The following NUP155 variants were observed in gnomAD, a reference collection of about 807,000 sequenced individuals.
The protein encoded by NUP155 is nucleoporin 155.
NUP155 carries 71 observed loss-of-function variants against 180.4 expected under a neutral mutation model. The observed-to-expected ratio is 0.39, with a 90% CI of 0.33 to 0.48. NUP155 has a LOEUF of 0.48. Among genes scored for constraint, NUP155 ranks in the 20% least tolerant of loss-of-function variants. NUP155 has a pLI of 0.91. For synonymous variants in NUP155, 582 were observed against 559.5 expected (o/e 1.04, Z -0.57); for missense variants, 1,553 against 1,648.9 (o/e 0.94, Z 1.01).
chr5:37,355,017 G>A (rs1055499212), intron 4 of NUP155, among the ~76,000 whole-genome samples: 13 of 150,882 alleles, frequency 8.6e-5, no homozygotes, highest in Non-Finnish European at 1.6e-4. Context: ...GCTTGAACCC[G>A]GGAGGCGGAG....
intron 34 of NUP155, 115 bp downstream of exon 34, chr5:37,292,762 AAT>A (rs1742304154): frequency 1.4e-6 from 1 of 701,770 alleles, no homozygotes; most frequent in African/African-American, 1.8e-5. Flanking sequence ...ATATCATTCA[AAT>A]AGTTATTGCT....
intron 32 of NUP155, among the ~76,000 whole-genome samples, chr5:37,296,453 T>G (rs58981430): frequency 0.016 from 2,396 of 152,072 alleles, 52 homozygotes; most frequent in African/African-American, 0.048. Context: ...CAAGATGTGC[T>G]TTGTTAAACA....
At chr5:37,304,948 T>A in intron 26 of NUP155, 105 bp from the exon 27 acceptor site, 2 of 1,515,414 alleles carry the variant, frequency 1.3e-6, no homozygotes, top group Non-Finnish European at 9.2e-7. Flanking sequence ...AATCCTTACA[T>A]GATAACTTCT....
chr5:37,303,165 A>T, intron 28 of NUP155, 95 bp downstream of exon 28: 1 of 1,442,312 alleles, frequency 6.9e-7, no homozygotes, highest in South Asian at 1.2e-5. Flanking sequence ...TCAGTATATT[A>T]AAACTTAGAT....
intron 19 of NUP155, among the ~76,000 whole-genome samples, chr5:37,324,581 C>T (rs1744461044): frequency 1.3e-5 from 2 of 151,058 alleles, no homozygotes; most frequent in Non-Finnish European, 1.5e-5. Context: ...TTTTGAGAGA[C>T]AGCGTCTTGT....
chr5:37,305,951 G>A, intron 25 of NUP155, among the ~76,000 whole-genome samples: 1 of 151,968 alleles, frequency 6.6e-6, no homozygotes, highest in East Asian at 1.9e-4. Flanking sequence ...CCTTACCTAA[G>A]TATATACAAG....
At chr5:37,315,942 A>G (rs1316636288) in intron 21 of NUP155, among the ~76,000 whole-genome samples, 1 of 152,212 alleles carries the variant, frequency 6.6e-6, no homozygotes, top group Non-Finnish European at 1.5e-5. Flanking sequence ...CTCCGTCTCA[A>G]AAAGAAATAA....
In NUP155 at chr5:37,303,108, A is replaced by C. The variant is rs1021938144; in HGVS notation, c.3317+152T>G. On this transcript the variant is annotated intron_variant, in intron 28 of 34. Transcript: ENST00000231498. ...CCACAATTTTAGACAACACATAAAG[A>C]AATACATTTATGACTAAAAAGTAAC... 1.3e-5 allele frequency: 13 copies of C among 969,194 alleles called. No homozygotes were observed. In the Admixed American group the frequency reaches 1.6e-4, roughly 12 times the overall value. The allele number at this position is 969,194 out of a possible 1,614,324, so 60.0% of individuals were successfully genotyped here.
chr5:37,331,607 A>G, intron 14 of NUP155, 78 bp downstream of exon 14: 1 of 739,376 alleles, frequency 1.4e-6, no homozygotes, highest in Non-Finnish European at 2.3e-6. Flanking sequence ...ACAGTATTCC[A>G]GTCCCAATTT....
chr5:37,344,519 G>C (rs1359416905), intron 9 of NUP155, among the ~76,000 whole-genome samples: 1 of 149,892 alleles, frequency 6.7e-6, no homozygotes, highest in Admixed American at 6.6e-5. Flanking sequence ...AGGTGGCCAG[G>C]GGGCTGTTTT....
chr5:37,311,941 T>G lies in NUP155; in HGVS notation c.2437-1198A>C, dbSNP rs574113665. Among the ~76,000 whole-genome samples the G allele has an allele frequency of 5.3e-5, 8 of 152,186 alleles. No homozygotes were observed. The East Asian group carries it at 9.7e-4, about 18-fold the overall frequency. ...GAAGCTGAGGCAGGAGAACTGCTTG[T>G]ACCCGGGAGGTGGAGGTTACAGTGA... On this transcript the variant is annotated intron_variant, in intron 22 of 34. Transcript: ENST00000231498.
chr5:37,351,943 C>G (rs760954449), intron 5 of NUP155, among the ~76,000 whole-genome samples: 12 of 152,076 alleles, frequency 7.9e-5, no homozygotes, highest in Non-Finnish European at 1.6e-4. Flanking sequence ...ACTAACCCGG[C>G]CGGGTGCCGT....
chr5:37,371,053 CT>C lies in NUP155; in HGVS notation c.-77del. 6.6e-7 allele frequency: 1 copy of C among 1,525,622 alleles called. No individual in the cohort carries two copies. Among genetic ancestry groups the C allele is most frequent in the Non-Finnish European group, 9.0e-7 (1 of 1,114,204 alleles). The allele number at this position is 1,525,622 out of a possible 1,614,324, so 94.5% of individuals were successfully genotyped here. The stretch of plus-strand genomic sequence containing the variant: ...AACAAGAAAAGATCCAAGAAGTTAG[CT>C]TAGATCCGCCGCCTAGGGCGCGCGC... On this transcript the variant is annotated 5_prime_UTR_variant, in exon 1 of 35. Coordinates refer to ENST00000231498, the MANE Select transcript of NUP155 (RefSeq NM_153485.3).
Position 37,323,976 on chromosome 5 carries a change from C to T in NUP155, c.2207+16G>A, listed in dbSNP as rs767403940. The T allele has an allele frequency of 6.3e-6, 9 of 1,425,416 alleles. No individual in the cohort carries two copies. The highest frequency in any genetic ancestry group is 8.9e-6 in the Non-Finnish European group (9 of 1,008,146). The allele number at this position is 1,425,416 out of a possible 1,614,324, so 88.3% of individuals were successfully genotyped here. A position where few individuals can be genotyped will look rare whatever the true frequency, so the allele number is the denominator to read the frequency against. ...GAAAAGAAAAAGATGAATTAATAAA[C>T]CCTATTTATTCTTACTTTGGATTTC... is the stretch of plus-strand genomic sequence containing the variant. On this transcript the variant is annotated intron_variant, in intron 20 of 34. Coordinates refer to ENST00000231498, the MANE Select transcript of NUP155 (RefSeq NM_153485.3).
intron 18 of NUP155, 147 bp from the exon 19 acceptor site, chr5:37,326,114 G>C (rs555696297): frequency 3.3e-5 from 21 of 637,914 alleles, no homozygotes; most frequent in African/African-American, 2.4e-4. Flanking sequence ...ATCTAGAAGA[G>C]TGGAATACTA....
At chr5:37,330,416 T>C (rs773348620) in intron 14 of NUP155, among the ~76,000 whole-genome samples, 1 of 152,234 alleles carries the variant, frequency 6.6e-6, no homozygotes, top group Non-Finnish European at 1.5e-5. Flanking sequence ...GTCTTTCTGC[T>C]TTCTAGAAAA....
intron 7 of NUP155, among the ~76,000 whole-genome samples, chr5:37,349,488 GT>G (rs1433675364): frequency 1.3e-5 from 2 of 152,038 alleles, no homozygotes; most frequent in African/African-American, 2.4e-5. Flanking sequence ...AGCATAGAAA[GT>G]AAGTTATTTT....
rs1183834407 is a variant in NUP155 at position 37,371,041 on chromosome 5, C to G, written c.-64G>C. 5.7e-6 allele frequency: 9 copies of G among 1,575,618 alleles called. No homozygotes were observed. The East Asian group carries it at 8.9e-5, about 16-fold the overall frequency. ...AAACCAAGGAGAAACAAGAAAAGAT[C>G]CAAGAAGTTAGCTTAGATCCGCCGC... is the stretch of plus-strand genomic sequence containing the variant. On this transcript the variant is annotated 5_prime_UTR_variant, in exon 1 of 35. Transcript: ENST00000231498.
At chr5:37,335,249 C>T (rs1242608948) in intron 12 of NUP155, among the ~76,000 whole-genome samples, 4 of 151,328 alleles carry the variant, frequency 2.6e-5, no homozygotes, top group African/African-American at 9.7e-5. Context: ...GGTGTGGTGG[C>T]GTGTGCCTGT....
Sources: allele counts gnomAD v4.1 joint callset (sites outside exome capture counted in the v4.1 genomes callset), GRCh38; gene constraint gnomAD v4.1.1; transcripts MANE v1.5; gene names NCBI Gene and HGNC (gene_info 2026-07-23, HGNC 2026-07-21).